ZMIZ1: variants seen among roughly 807,000 people sequenced by gnomAD.
ZMIZ1 encodes zinc finger MIZ domain-containing protein 1.
In ZMIZ1, 17 loss-of-function variants were observed where a neutral mutation model predicts 113.9. That is an observed-to-expected ratio of 0.15 (90% CI 0.10 to 0.22). ZMIZ1 has a LOEUF of 0.22. ZMIZ1 is among the 10% of genes least tolerant of loss of function. The probability of loss-of-function intolerance (pLI) is 1.00; values close to 1 mark genes in which losing one functional copy is unlikely to be tolerated. For synonymous variants in ZMIZ1, 607 were observed against 603.1 expected (o/e 1.01, Z -0.09); for missense variants, 1,059 against 1,477.8 (o/e 0.72, Z 4.65).
At chr10:79,106,777 G>A (rs1222601120) in intron 1 of ZMIZ1, among the ~76,000 whole-genome samples, 3 of 152,192 alleles carry the variant, frequency 2.0e-5, no homozygotes, top group East Asian at 1.9e-4. Context: ...AAGAATGATC[G>A]ACAAATGGGA....
intron 1 of ZMIZ1, among the ~76,000 whole-genome samples, chr10:79,098,478 A>G (rs1276127596): frequency 6.6e-6 from 1 of 152,144 alleles, no homozygotes; most frequent in African/African-American, 2.4e-5. Context: ...GTGATAGTTG[A>G]CCACCTATCT....
chr10:79,220,635 G>A (rs1848927220), intron 7 of ZMIZ1, among the ~76,000 whole-genome samples: 1 of 152,174 alleles, frequency 6.6e-6, no homozygotes, highest in African/African-American at 2.4e-5. Flanking sequence ...TTCTTTCTTT[G>A]GTCTTGGGTG....
chr10:79,128,318 T>C (rs956730693), intron 2 of ZMIZ1, among the ~76,000 whole-genome samples: 1 of 152,188 alleles, frequency 6.6e-6, no homozygotes, highest in African/African-American at 2.4e-5. Context: ...GACCCAGACA[T>C]ATGCGGTGTG....
Position 79,296,446 on chromosome 10 carries a change from C to T in ZMIZ1, c.1231-25C>T. 1.2e-6 allele frequency: 2 copies of T among 1,613,082 alleles called. No individual in the cohort carries two copies. Among genetic ancestry groups the T allele is most frequent in the Non-Finnish European group, 1.7e-6 (2 of 1,179,414 alleles). On this transcript the variant is annotated intron_variant, in intron 12 of 24. Coordinates refer to ENST00000334512, the MANE Select transcript of ZMIZ1 (RefSeq NM_020338.4). The surrounding 1 kb of genome is among the most constrained non-coding windows in gnomAD (Gnocchi z 4.1). ...ACGTTGGCAACATTGAACGTGTTTC[C>T]CCTCTCCTTTCTCTCCCACCACAGC...
intron 1 of ZMIZ1, among the ~76,000 whole-genome samples, chr10:79,113,550 T>C (rs550434186): frequency 1.3e-5 from 2 of 152,312 alleles, no homozygotes; most frequent in Admixed American, 6.5e-5. Context: ...CACTCCACTT[T>C]ATGTGCCCAG....
rs140008092 is a variant in ZMIZ1, at chr10:79,143,184, C to G, written c.-131+3407C>G. Among the ~76,000 whole-genome samples, 608 of 152,262 alleles carry G rather than the reference C, an allele frequency of 4.0e-3. 6 individuals are homozygous for G. The highest frequency in any genetic ancestry group is 0.014 in the African/African-American group (583 of 41,532). On this transcript the variant is annotated intron_variant, in intron 3 of 24. Coordinates refer to ENST00000334512, the MANE Select transcript of ZMIZ1 (RefSeq NM_020338.4). ...CTGACCTTCCAGGAGCTCCCCACCG[C>G]TCCATCTCTCCCTTGGCTCCTGAGT...
At chr10:79,242,938 G>A (rs990725656) in intron 7 of ZMIZ1, among the ~76,000 whole-genome samples, 12 of 151,260 alleles carry the variant, frequency 7.9e-5, no homozygotes, top group South Asian at 4.2e-4. Context: ...CCCTCGCAGC[G>A]AAGTGGCTGG....
chr10:79,158,313 C>G (rs1341132221), intron 3 of ZMIZ1, among the ~76,000 whole-genome samples: 1 of 152,162 alleles, frequency 6.6e-6, no homozygotes, highest in Non-Finnish European at 1.5e-5. Flanking sequence ...AGCACAGCAC[C>G]CAGGGCCATC....
chr10:79,141,794 A>G (rs937661944), intron 3 of ZMIZ1, among the ~76,000 whole-genome samples: 1 of 152,148 alleles, frequency 6.6e-6, no homozygotes. Context: ...TGTTCAAAGA[A>G]ATGCAAATAA....
intron 1 of ZMIZ1, among the ~76,000 whole-genome samples, chr10:79,090,748 A>G (rs2132224751): frequency 6.6e-6 from 1 of 152,352 alleles, no homozygotes; most frequent in South Asian, 2.1e-4. Context: ...GCTCACCCAC[A>G]AGGCTGATGT....
chr10:79,140,357 A>G (rs1845204593), intron 3 of ZMIZ1, among the ~76,000 whole-genome samples: 1 of 152,228 alleles, frequency 6.6e-6, no homozygotes, highest in Non-Finnish European at 1.5e-5. Context: ...GGCACAGGGA[A>G]GTTAATGGTG....
rs111838223 is a variant in ZMIZ1 at position 79,156,508 on chromosome 10, C to A, written c.-130-5545C>A. 2.0e-5 allele frequency among the ~76,000 whole-genome samples: 3 copies of A among 152,208 alleles called. No homozygotes were observed. The South Asian group carries it at 6.2e-4, about 32-fold the overall frequency. On this transcript the variant is annotated intron_variant, in intron 3 of 24. Coordinates refer to ENST00000334512, the MANE Select transcript of ZMIZ1 (RefSeq NM_020338.4). Reference sequence around the variant, plus strand: ...GCCCAGAGCTGCCTGTCCGCCCTTCCCTGGCCACTTTCGAGCCTTCCCCAT... The same window carrying A: ...GCCCAGAGCTGCCTGTCCGCCCTTCACTGGCCACTTTCGAGCCTTCCCCAT...
At chr10:79,284,859 G>A (rs545411153) in intron 8 of ZMIZ1, among the ~76,000 whole-genome samples, 12 of 152,228 alleles carry the variant, frequency 7.9e-5, no homozygotes, top group African/African-American at 2.6e-4. Context: ...TTGCCAACAC[G>A]GCCAGTACAA....
intron 3 of ZMIZ1, among the ~76,000 whole-genome samples, chr10:79,160,169 G>A (rs1364537178): frequency 6.6e-6 from 1 of 152,238 alleles, no homozygotes; most frequent in African/African-American, 2.4e-5. Context: ...GAGGGCAAAC[G>A]CTGCCTGTCT....
intron 4 of ZMIZ1, among the ~76,000 whole-genome samples, chr10:79,182,664 AG>A (rs1233154525): frequency 6.6e-6 from 1 of 152,186 alleles, no homozygotes; most frequent in Non-Finnish European, 1.5e-5. Flanking sequence ...AAGAGGCTTG[AG>A]GATTTGAAGA....
In ZMIZ1 at chr10:79,273,738, G is replaced by A. The variant is rs11002903; in HGVS notation, c.281-3443G>A. 7.4e-3 allele frequency among the ~76,000 whole-genome samples: 1,121 copies of A among 152,382 alleles called. 18 individuals are homozygous for A. The highest frequency in any genetic ancestry group is 0.025 in the African/African-American group (1,055 of 41,602). ...GGAAGGGGCCCAAAAAGTTTGCAGGGTGGAGCTACAATTCCTCTCCACGCC... is the reference window on the plus strand; with the variant it reads ...GGAAGGGGCCCAAAAAGTTTGCAGGATGGAGCTACAATTCCTCTCCACGCC... On this transcript the variant is annotated intron_variant, in intron 7 of 24. Transcript: ENST00000334512.
chr10:79,298,898 G>T (rs1018127643), intron 15 of ZMIZ1, 152 bp from the exon 16 acceptor site: 2 of 1,023,586 alleles, frequency 2.0e-6, no homozygotes, highest in African/African-American at 3.3e-5. Context: ...TGACTCACTG[G>T]TGTGCCCTTG....
intron 1 of ZMIZ1, among the ~76,000 whole-genome samples, chr10:79,102,752 C>T (rs1843408818): frequency 1.3e-5 from 2 of 152,216 alleles, no homozygotes; most frequent in South Asian, 2.1e-4. Context: ...AGCACCTCTC[C>T]GCGGCTCAGT....
chr10:79,298,011 T>C (rs1854023581), intron 14 of ZMIZ1, among the ~76,000 whole-genome samples: 1 of 152,110 alleles, frequency 6.6e-6, no homozygotes, highest in African/African-American at 2.4e-5. Context: ...ATAGAGGGTG[T>C]GGCCTTGAGT....
Sources: allele counts gnomAD v4.1 joint callset (sites outside exome capture counted in the v4.1 genomes callset), GRCh38; gene constraint gnomAD v4.1.1; non-coding constraint Gnocchi (gnomAD v3.1); transcripts MANE v1.5; gene names NCBI Gene and HGNC (gene_info 2026-07-23, HGNC 2026-07-21).